GLIS3: variants seen among roughly 807,000 people sequenced by gnomAD.
The protein encoded by GLIS3 is GLIS family zinc finger 3.
Under a neutral mutation model 78.6 loss-of-function variants are expected in GLIS3, and 53 were observed. That is an observed-to-expected ratio of 0.67 (90% confidence interval 0.54 to 0.85). The LOEUF is 0.85. GLIS3 is among the 40% of genes least tolerant of loss of function. GLIS3 has a pLI of 0.00. For synonymous variants in GLIS3, 684 were observed against 509.9 expected (o/e 1.34, Z -4.60); for missense variants, 1,703 against 1,231.1 (o/e 1.38, Z -5.74).
chr9:4,237,595 T>C (rs1157276997), intron 2 of GLIS3, among the ~76,000 whole-genome samples: 1 of 152,218 alleles, frequency 6.6e-6, no homozygotes, highest in Non-Finnish European at 1.5e-5. Context: ...TGTAGCACTT[T>C]CATTACCAAA....
chr9:3,984,720 T>C (rs1819592530), intron 4 of GLIS3, among the ~76,000 whole-genome samples: 1 of 152,188 alleles, frequency 6.6e-6, no homozygotes, highest in Non-Finnish European at 1.5e-5. Context: ...GACAGAATGA[T>C]ATGGTTTGGT....
At chr9:4,087,084 GAAAAT>G (rs908819315) in intron 4 of GLIS3, among the ~76,000 whole-genome samples, 1 of 152,132 alleles carries the variant, frequency 6.6e-6, no homozygotes, top group Non-Finnish European at 1.5e-5. Context: ...AGTCTGAAAT[GAAAAT>G]AAAAGGAATA....
chr9:3,833,028 T>C (rs1349329424), intron 9 of GLIS3, among the ~76,000 whole-genome samples: 1 of 152,172 alleles, frequency 6.6e-6, no homozygotes, highest in African/African-American at 2.4e-5. Flanking sequence ...TATGAGAGTA[T>C]AAAAGGTTTG....
At chr9:4,192,881 T>C (rs181160924) in intron 2 of GLIS3, among the ~76,000 whole-genome samples, 3 of 151,196 alleles carry the variant, frequency 2.0e-5, no homozygotes, top group Non-Finnish European at 4.4e-5. Flanking sequence ...TGGGAGACAC[T>C]CCAGGAAGGG....
At chr9:4,170,893 C>G (rs1816318125) in intron 2 of GLIS3, among the ~76,000 whole-genome samples, 1 of 152,068 alleles carries the variant, frequency 6.6e-6, no homozygotes, top group African/African-American at 2.4e-5. Context: ...TAGAGACAGG[C>G]AGGAAACACA....
chr9:4,439,985 C>G, the GLIS3 span, among the ~76,000 whole-genome samples: 1,525 of 152,264 alleles, frequency 0.01, 19 homozygotes, highest in African/African-American at 0.035. Flanking sequence ...GCCCAGCCTA[C>G]ATGTCTTCTT....
At chr9:3,908,282 G>C (rs1347968328) in intron 6 of GLIS3, among the ~76,000 whole-genome samples, 2 of 152,118 alleles carry the variant, frequency 1.3e-5, no homozygotes, top group African/African-American at 4.8e-5. Flanking sequence ...AGCTCCAGTT[G>C]TCAAAAAGAC....
intron 2 of GLIS3, among the ~76,000 whole-genome samples, chr9:4,128,741 A>T (rs1204156823): frequency 6.6e-6 from 1 of 152,238 alleles, no homozygotes; most frequent in Non-Finnish European, 1.5e-5. Context: ...ACACTGGTCA[A>T]GGCTGCCTCT....
At chr9:4,080,889 C>G (rs1023439567) in intron 4 of GLIS3, among the ~76,000 whole-genome samples, 1 of 152,162 alleles carries the variant, frequency 6.6e-6, no homozygotes, top group South Asian at 2.1e-4. Context: ...CATCGTACAA[C>G]CTTCACACCC....
the GLIS3 span, among the ~76,000 whole-genome samples, chr9:4,467,921 A>C: frequency 1.3e-5 from 2 of 152,244 alleles, no homozygotes; most frequent in African/African-American, 4.8e-5. Flanking sequence ...TAACTAGAAT[A>C]AACAGCATAG....
intron 2 of GLIS3, among the ~76,000 whole-genome samples, chr9:4,318,336 C>T (rs73641421): frequency 0.012 from 1,797 of 152,216 alleles, 37 homozygotes; most frequent in African/African-American, 0.041. Flanking sequence ...TCTCAGTAGT[C>T]GTGAGCACAC....
At chr9:4,467,128 G>C in the GLIS3 span, among the ~76,000 whole-genome samples, 7 of 152,228 alleles carry the variant, frequency 4.6e-5, no homozygotes, top group East Asian at 1.2e-3. Flanking sequence ...AAACAAAGTG[G>C]ACAGGAAGCT....
chr9:4,076,822 C>T (rs947498843), intron 4 of GLIS3, among the ~76,000 whole-genome samples: 9 of 152,110 alleles, frequency 5.9e-5, no homozygotes, highest in African/African-American at 1.9e-4. Flanking sequence ...TTTGGGAGGT[C>T]AAGGCGAGGG....
chr9:4,089,038 T>C (rs910664745), intron 4 of GLIS3, among the ~76,000 whole-genome samples: 5 of 152,264 alleles, frequency 3.3e-5, no homozygotes, highest in Admixed American at 2.0e-4. Flanking sequence ...TAGAAAGACT[T>C]TCCCCAGCAA....
chr9:3,866,013 G>A (rs1490258125), intron 8 of GLIS3, among the ~76,000 whole-genome samples: 2 of 152,188 alleles, frequency 1.3e-5, no homozygotes, highest in African/African-American at 4.8e-5. Flanking sequence ...GTCTTCCCAT[G>A]AAGTGGTCCG....
intron 4 of GLIS3, among the ~76,000 whole-genome samples, chr9:4,100,893 C>T (rs1830321516): frequency 6.6e-6 from 1 of 152,106 alleles, no homozygotes; most frequent in African/African-American, 2.4e-5. Flanking sequence ...CTCCTGGAAC[C>T]CTCTCGTTGT....
chr9:4,428,028 A>C, the GLIS3 span, among the ~76,000 whole-genome samples: 1 of 152,102 alleles, frequency 6.6e-6, no homozygotes, highest in East Asian at 1.9e-4. Context: ...AAGTTCAATC[A>C]GAAAAAAAGA....
chr9:4,444,842 G>C, the GLIS3 span, among the ~76,000 whole-genome samples: 1 of 152,168 alleles, frequency 6.6e-6, no homozygotes, highest in Non-Finnish European at 1.5e-5. Flanking sequence ...TTCATGCTTG[G>C]ATAAATTGTC....
At chr9:4,432,179 C>A in the GLIS3 span, among the ~76,000 whole-genome samples, 1 of 152,088 alleles carries the variant, frequency 6.6e-6, no homozygotes, top group Non-Finnish European at 1.5e-5. Flanking sequence ...TTATGCTAAA[C>A]AATGTTTCTA....
Sources: allele counts gnomAD v4.1 joint callset (sites outside exome capture counted in the v4.1 genomes callset), GRCh38; gene constraint gnomAD v4.1.1; transcripts MANE v1.5; gene names NCBI Gene and HGNC (gene_info 2026-07-23, HGNC 2026-07-21).